SYN3: variants seen among roughly 807,000 people sequenced by gnomAD.
SYN3 encodes the protein synapsin III.
Under a neutral mutation model 65.8 loss-of-function variants are expected in SYN3, and 35 were observed. The ratio of observed to expected loss-of-function variants is 0.53; its 90% confidence interval spans 0.41 to 0.70. SYN3 has a LOEUF of 0.70. Among genes scored for constraint, SYN3 ranks in the 30% least tolerant of loss-of-function variants. SYN3 has a pLI of 0.00. For synonymous variants in SYN3, 270 were observed against 292.9 expected (o/e 0.92, Z 0.80); for missense variants, 680 against 749.0 (o/e 0.91, Z 1.08).
intron 11 of SYN3, among the ~76,000 whole-genome samples, chr22:32,528,380 T>C (rs1340264632): frequency 1.3e-5 from 2 of 152,060 alleles, no homozygotes; most frequent in Non-Finnish European, 2.9e-5. Context: ...GGCAAATTCT[T>C]TGGAGAGCAG....
chr22:32,869,977 C>T (rs1312474309), intron 4 of SYN3, among the ~76,000 whole-genome samples: 1 of 152,098 alleles, frequency 6.6e-6, no homozygotes, highest in Admixed American at 6.6e-5. Flanking sequence ...GCTTTTGACT[C>T]CATCACAGGG....
chr22:32,795,583 C>T (rs943353694), intron 6 of SYN3, among the ~76,000 whole-genome samples: 7 of 152,158 alleles, frequency 4.6e-5, no homozygotes, highest in Non-Finnish European at 8.8e-5. Flanking sequence ...GTGTGCACTC[C>T]GGTGCACATA....
chr22:33,019,079 CAGAG>C (rs559776483), intron 1 of SYN3, among the ~76,000 whole-genome samples: 146 of 152,306 alleles, frequency 9.6e-4, no homozygotes, highest in Non-Finnish European at 1.6e-3. Context: ...TTCCACAGAG[CAGAG>C]AGAGCTTTCC....
chr22:32,924,214 T>G (rs950889724), intron 4 of SYN3, among the ~76,000 whole-genome samples: 3 of 152,194 alleles, frequency 2.0e-5, no homozygotes, highest in Non-Finnish European at 4.4e-5. Context: ...GTAATGGGAT[T>G]GCTGGATCAA....
At chr22:32,855,098 A>T (rs979046169) in intron 6 of SYN3, among the ~76,000 whole-genome samples, 1 of 152,220 alleles carries the variant, frequency 6.6e-6, no homozygotes, top group African/African-American at 2.4e-5. Context: ...TTCCTATTAT[A>T]AACCCTTGGG....
chr22:32,767,980 C>A (rs952490883), intron 6 of SYN3, among the ~76,000 whole-genome samples: 1 of 152,166 alleles, frequency 6.6e-6, no homozygotes, highest in Non-Finnish European at 1.5e-5. Context: ...AACATGTCAC[C>A]CCTTTGATCA....
intron 1 of SYN3, among the ~76,000 whole-genome samples, chr22:33,054,551 G>A (rs2054224608): frequency 6.6e-6 from 1 of 152,122 alleles, no homozygotes; most frequent in South Asian, 2.1e-4. Context: ...TAGCCATTAA[G>A]CAGTCAAGCC....
At chr22:32,784,089 T>C (rs1401332166) in intron 6 of SYN3, among the ~76,000 whole-genome samples, 2 of 152,224 alleles carry the variant, frequency 1.3e-5, no homozygotes, top group African/African-American at 4.8e-5. Flanking sequence ...TGCTTCCAAC[T>C]ATCTCCAGAC....
intron 6 of SYN3, among the ~76,000 whole-genome samples, chr22:32,856,460 C>G (rs988870520): frequency 6.6e-6 from 1 of 152,046 alleles, no homozygotes; most frequent in African/African-American, 2.4e-5. Flanking sequence ...AATAGGGGAG[C>G]GAGATTCCCT....
intron 7 of SYN3, among the ~76,000 whole-genome samples, chr22:32,575,642 G>C (rs915241838): frequency 6.6e-6 from 1 of 152,212 alleles, no homozygotes; most frequent in Middle Eastern, 3.4e-3. Context: ...TGCTCTCTGC[G>C]GTCTCATTAA....
At chr22:33,046,364 A>T (rs1315163758) in intron 1 of SYN3, among the ~76,000 whole-genome samples, 5 of 152,206 alleles carry the variant, frequency 3.3e-5, no homozygotes, top group Admixed American at 1.3e-4. Flanking sequence ...GCAAAAACTC[A>T]CATCCACACA....
intron 4 of SYN3, among the ~76,000 whole-genome samples, chr22:32,871,176 C>T (rs2048840915): frequency 6.6e-6 from 1 of 152,004 alleles, no homozygotes; most frequent in African/African-American, 2.4e-5. Flanking sequence ...ATTTTTTTTC[C>T]CCATTGCTGG....
At position 32,731,469 on chromosome 22, in the gene SYN3, C is replaced by T. The variant is rs146111838; in HGVS notation, c.711+133446G>A. 3.2e-3 allele frequency among the ~76,000 whole-genome samples: 485 copies of T among 152,294 alleles called. 2 individuals are homozygous for T. Among genetic ancestry groups the T allele is most frequent in the African/African-American group, 0.011 (442 of 41,570 alleles). Reference sequence around the variant, plus strand: ...TGATGGAGGACAAGTGAGGTCATATCCAGGAAGTTCTCTGAAAGATACAGC... The same window carrying T: ...TGATGGAGGACAAGTGAGGTCATATTCAGGAAGTTCTCTGAAAGATACAGC... On this transcript the variant is annotated intron_variant, in intron 6 of 13. Transcript: ENST00000358763.
chr22:32,689,471 C>T (rs1167052852), intron 6 of SYN3, among the ~76,000 whole-genome samples: 1 of 152,206 alleles, frequency 6.6e-6, no homozygotes, highest in Non-Finnish European at 1.5e-5. Context: ...GACCTTTACT[C>T]TGTGATCTTC....
intron 4 of SYN3, among the ~76,000 whole-genome samples, chr22:32,906,844 C>CT (rs1360109872): frequency 6.6e-6 from 1 of 152,108 alleles, no homozygotes; most frequent in Non-Finnish European, 1.5e-5. Flanking sequence ...AACTCATCCT[C>CT]TTTTATGGCT....
chr22:32,817,859 C>T (rs1302119777), intron 6 of SYN3, among the ~76,000 whole-genome samples: 1 of 152,178 alleles, frequency 6.6e-6, no homozygotes, highest in African/African-American at 2.4e-5. Flanking sequence ...GGGGACATAC[C>T]GGTGCAACCC....
At chr22:32,531,501 C>A (rs2058071020) in intron 10 of SYN3, among the ~76,000 whole-genome samples, 1 of 152,196 alleles carries the variant, frequency 6.6e-6, no homozygotes, top group Admixed American at 6.5e-5. Context: ...ACCCTCGTCT[C>A]CCCAGGGAAA....
Position 32,664,437 on chromosome 22 carries a change from AT to A in SYN3, c.712-67702del, listed in dbSNP as rs778713667. The stretch of plus-strand genomic sequence containing the variant: ...TTGTCTTTCTTGACCTAACAGCAGC[AT>A]TTATTTATTTATTTATTATTTTTTA... On this transcript the variant is annotated intron_variant, in intron 6 of 13. Transcript: ENST00000358763. Among the ~76,000 whole-genome samples, 210 of 151,956 alleles carry A rather than the reference AT, an allele frequency of 1.4e-3. 4 individuals are homozygous for A. Among genetic ancestry groups the A allele is most frequent in the Non-Finnish European group, 4.3e-4 (29 of 67,934 alleles).
At chr22:32,556,680 A>AT (rs1393854805) in intron 7 of SYN3, among the ~76,000 whole-genome samples, 1 of 152,082 alleles carries the variant, frequency 6.6e-6, no homozygotes, top group East Asian at 1.9e-4. Flanking sequence ...CCCAGGGAAA[A>AT]AAGCCTGACT....
Sources: gnomAD v4.1 joint callset for allele counts (sites outside exome capture counted in the v4.1 genomes callset) on GRCh38, gnomAD v4.1.1 for gene constraint, MANE v1.5 for transcripts, NCBI Gene and HGNC (gene_info 2026-07-23, HGNC 2026-07-21) for gene names.